Variants in DYNC2H1 observed in about 807,000 individuals in gnomAD.
The protein encoded by DYNC2H1 is cytoplasmic dynein 2 heavy chain 1.
Under a neutral mutation model 570.0 loss-of-function variants are expected in DYNC2H1, and 410 were observed. The observed-to-expected ratio is 0.72, with a 90% CI of 0.66 to 0.78. DYNC2H1 has a LOEUF of 0.78. DYNC2H1 is among the 30% of genes least tolerant of loss of function. DYNC2H1 has a pLI of 0.00. For synonymous variants in DYNC2H1, 1,688 were observed against 1,677.6 expected, an observed-to-expected ratio of 1.01 and a Z score of -0.15; for missense variants, 4,865 against 5,046.4, an observed-to-expected ratio of 0.96 and a Z score of 1.09.
At chr11:103,384,420 A>G (rs983533360) in intron 83 of DYNC2H1, among the ~76,000 whole-genome samples, 25 of 152,264 alleles carry the variant, frequency 1.6e-4, no homozygotes, top group African/African-American at 6.0e-4. Context: ...TAAAGAGCCT[A>G]TAGCTGGATT....
rs1392037940 is a variant in DYNC2H1 at position 103,261,286 on chromosome 11, C to T, written c.10695+1309C>T. Among the ~76,000 whole-genome samples the T allele has an allele frequency of 6.6e-6, 1 of 152,172 alleles. No homozygotes were observed. Among genetic ancestry groups the T allele is most frequent in the African/African-American group, 2.4e-5 (1 of 41,442 alleles). On this transcript the variant is annotated intron_variant, in intron 70 of 88. Coordinates refer to ENST00000375735, the MANE Select transcript of DYNC2H1 (RefSeq NM_001377.3). This position sits in a 1 kb window ranked among gnomAD's most constrained non-coding sequence, Gnocchi z 4.8. ...TGGGCGCAGCATCAGCAGACTTAAA[C>T]ATTCCCACCTGCTGGCTCTGAAGAG...
At chr11:103,427,188 G>A (rs1285868834) in intron 84 of DYNC2H1, among the ~76,000 whole-genome samples, 1 of 152,058 alleles carries the variant, frequency 6.6e-6, no homozygotes, top group East Asian at 1.9e-4. Flanking sequence ...ATGGCAACAT[G>A]ATATTGGCCT....
At chr11:103,409,956 C>T (rs1273221063) in intron 84 of DYNC2H1, among the ~76,000 whole-genome samples, 7 of 152,038 alleles carry the variant, frequency 4.6e-5, no homozygotes, top group East Asian at 1.9e-4. Context: ...AAATTTCCAT[C>T]GCCTATACCT....
intron 88 of DYNC2H1, among the ~76,000 whole-genome samples, chr11:103,470,865 G>T (rs540662896): frequency 6.6e-5 from 10 of 152,226 alleles, no homozygotes; most frequent in African/African-American, 1.7e-4. Flanking sequence ...CAATAGTGCC[G>T]CTATAAACAT....
chr11:103,426,596 G>A (rs1014967396), intron 84 of DYNC2H1, among the ~76,000 whole-genome samples: 3 of 152,098 alleles, frequency 2.0e-5, no homozygotes, highest in African/African-American at 7.2e-5. Context: ...GAACATCTAT[G>A]TTAGCTTGGA....
rs1031556953 is a variant in DYNC2H1, at chr11:103,172,084, A to G, written c.5335-998A>G. 2.0e-5 allele frequency among the ~76,000 whole-genome samples: 3 copies of G among 152,220 alleles called. No individual in the cohort carries two copies. The East Asian group carries it at 5.8e-4, about 29-fold the overall frequency. On this transcript the variant is annotated intron_variant, in intron 34 of 88. Transcript: ENST00000375735. ...ATAAAATAACATTTTAACAGTACAT[A>G]GTTTTCTAGGTAGCCCAAGAATGTA... is the stretch of plus-strand genomic sequence containing the variant.
At chr11:103,158,034 T>TTAACAATAC (rs1197541282) in intron 26 of DYNC2H1, among the ~76,000 whole-genome samples, 3 of 152,280 alleles carry the variant, frequency 2.0e-5, no homozygotes, top group Admixed American at 2.0e-4. Flanking sequence ...GTTAGCCATT[T>TTAACAATAC]TAACAATACT....
intron 88 of DYNC2H1, among the ~76,000 whole-genome samples, chr11:103,478,311 G>A (rs1305217454): frequency 6.6e-6 from 1 of 152,088 alleles, no homozygotes; most frequent in East Asian, 1.9e-4. Flanking sequence ...ATTGATAAGT[G>A]GAAGTTTCTC....
chr11:103,387,283 G>T (rs1383044200), intron 83 of DYNC2H1, among the ~76,000 whole-genome samples: 1 of 152,132 alleles, frequency 6.6e-6, no homozygotes, highest in African/African-American at 2.4e-5. Flanking sequence ...GTGTCTTTTG[G>T]CTGCATAGAT....
At chr11:103,315,448 T>C (rs918732987) in intron 79 of DYNC2H1, among the ~76,000 whole-genome samples, 6 of 152,124 alleles carry the variant, frequency 3.9e-5, no homozygotes, top group African/African-American at 1.4e-4. Context: ...AGTGTTTCAC[T>C]TATTAAGAAT....
intron 82 of DYNC2H1, among the ~76,000 whole-genome samples, chr11:103,336,596 T>A (rs1362043719): frequency 6.6e-6 from 1 of 152,212 alleles, no homozygotes; most frequent in African/African-American, 2.4e-5. Flanking sequence ...CTTAATATAA[T>A]GCCTTCTAGT....
Position 103,187,425 on chromosome 11 carries a change from C to G in DYNC2H1, c.6979C>G (p.Leu2327Val). 1 of 1,613,312 alleles carries G rather than the reference C, an allele frequency of 6.2e-7. No homozygotes were observed. Among genetic ancestry groups the G allele is most frequent in the South Asian group, 1.1e-5 (1 of 91,076 alleles). ...HCSAQTTSRH[L>V]LQKLSQTCMV... ...TAGTGCACAAACCACTTCTCGACAT[C>G]TCCTGCAGAAACTGAGCCAGACTTG... is the stretch of plus-strand genomic sequence containing the variant. Residue 2327 changes from leucine (L) to valine (V), a missense_variant, in exon 43 of 89, where the codon CTC (leucine) becomes GTC (valine). Physicochemically the swap from Leu to Val is conservative, Grantham distance 32. Transcript: ENST00000375735.
At chr11:103,401,336 G>A (rs1042130535) in intron 84 of DYNC2H1, among the ~76,000 whole-genome samples, 1 of 152,126 alleles carries the variant, frequency 6.6e-6, no homozygotes, top group Non-Finnish European at 1.5e-5. Flanking sequence ...AGAGTAAAAT[G>A]TATCATTAAG....
rs1861173394 is a variant in DYNC2H1 at position 103,163,274 on chromosome 11, G to A, written c.4611+127G>A. On this transcript the variant is annotated intron_variant, in intron 30 of 88. Coordinates refer to ENST00000375735, the MANE Select transcript of DYNC2H1 (RefSeq NM_001377.3). This position sits in a 1 kb window ranked among gnomAD's most constrained non-coding sequence, Gnocchi z 4.6. ...TTATCTAACAGTTAACGGACAAATT[G>A]CTTAACTTCTGAGTCTCAGTTCCTT... 3 of 1,172,844 alleles carry A rather than the reference G, an allele frequency of 2.6e-6. No homozygotes were observed. In the South Asian group the frequency reaches 6.8e-5, roughly 27 times the overall value. 72.7% of individuals were successfully genotyped at this position (1,172,844 alleles called of 1,614,324 possible).
intron 79 of DYNC2H1, 46 bp downstream of exon 79, chr11:103,312,079 G>T: frequency 6.4e-7 from 1 of 1,558,004 alleles, no homozygotes; most frequent in South Asian, 1.2e-5. Flanking sequence ...TTATATTTTT[G>T]TATGTTAAAA....
rs867192732 is a variant in DYNC2H1 at position 103,283,012 on chromosome 11, C to A, written c.10817C>A (p.Ser3606Tyr). 1 of 1,598,508 alleles carries A rather than the reference C, an allele frequency of 6.3e-7. No homozygotes were observed. Among genetic ancestry groups the A allele is most frequent in the South Asian group, 1.2e-5 (1 of 86,680 alleles). Reference protein sequence around the residue: ...VVGDMLRKADSQQKIRDQLPS... With the variant: ...VVGDMLRKADYQQKIRDQLPS... ...AAATAATTGCTTTTATTAAAGGACT[C>A]TCAACAAAAAATACGTGATCAGCTT... is the stretch of plus-strand genomic sequence containing the variant. Residue 3606 changes from serine to tyrosine, a missense_variant, in exon 73 of 89, where the codon TCT becomes TAT. This residue lies in a region of DYNC2H1 where 2,401 missense variants were observed against 2,454.6 expected (regional missense o/e 0.98). Transcript: ENST00000375735.
At chr11:103,158,380 C>T (rs1433225375) in intron 26 of DYNC2H1, among the ~76,000 whole-genome samples, 1 of 152,178 alleles carries the variant, frequency 6.6e-6, no homozygotes, top group South Asian at 2.1e-4. Flanking sequence ...ACCCAGGAGG[C>T]GGAGTTTGCA....
In DYNC2H1 at chr11:103,143,674, C is replaced by G. The variant is rs1281184900; in HGVS notation, c.2702+279C>G. ...AAGAGCTATGTTTGATATGCATTGG[C>G]ACAATCTCAGTATGGTTAGAAGCTA... On this transcript the variant is annotated intron_variant, in intron 18 of 88. Transcript: ENST00000375735. 2.6e-5 allele frequency among the ~76,000 whole-genome samples: 4 copies of G among 152,198 alleles called. No homozygotes were observed. The East Asian group carries it at 5.8e-4, about 22-fold the overall frequency.
chr11:103,248,534 A>G (rs1400788585), intron 65 of DYNC2H1, among the ~76,000 whole-genome samples: 6 of 152,082 alleles, frequency 3.9e-5, no homozygotes, highest in African/African-American at 1.4e-4. Context: ...AGCAGTTTTT[A>G]TATTCATTGT....
Sources: gnomAD v4.1 joint callset for allele counts (sites outside exome capture counted in the v4.1 genomes callset) on GRCh38, gnomAD v4.1.1 for gene constraint, gnomAD v4.1.1 regional missense constraint, Gnocchi (gnomAD v3.1) non-coding constraint, MANE v1.5 for transcripts, NCBI Gene and HGNC (gene_info 2026-07-23, HGNC 2026-07-21) for gene names.